Variants in SPATA16 observed in about 807,000 individuals in gnomAD.
The protein encoded by SPATA16 is spermatogenesis-associated protein 16.
Under a neutral mutation model 63.3 loss-of-function variants are expected in SPATA16, and 36 were observed. That is an observed-to-expected ratio of 0.57 (90% CI 0.44 to 0.75). The LOEUF (loss-of-function observed/expected upper bound fraction) is 0.75. Among genes scored for constraint, SPATA16 ranks in the 30% least tolerant of loss-of-function variants. The pLI is 0.00. For missense variants in SPATA16, 646 were observed against 679.3 expected (o/e 0.95, Z 0.54); for synonymous variants, 203 against 216.7 (o/e 0.94, Z 0.56).
chr3:173,090,716 T>G (rs1335986741), intron 2 of SPATA16, among the ~76,000 whole-genome samples: 3 of 152,214 alleles, frequency 2.0e-5, no homozygotes, highest in African/African-American at 7.2e-5. Flanking sequence ...GTCATGCTCC[T>G]TGGCAACTCC....
intron 2 of SPATA16, among the ~76,000 whole-genome samples, chr3:173,049,849 G>A (rs1425717376): frequency 6.6e-6 from 1 of 152,040 alleles, no homozygotes; most frequent in African/African-American, 2.4e-5. Flanking sequence ...TATGACAAGG[G>A]AAGATCGGCA....
At chr3:173,098,944 A>G (rs1335370588) in intron 2 of SPATA16, among the ~76,000 whole-genome samples, 1 of 152,116 alleles carries the variant, frequency 6.6e-6, no homozygotes. Flanking sequence ...TTTGGCAAAA[A>G]TCAACCAACC....
intron 6 of SPATA16, among the ~76,000 whole-genome samples, chr3:172,935,178 T>C (rs1426422672): frequency 6.6e-6 from 1 of 152,174 alleles, no homozygotes; most frequent in East Asian, 1.9e-4. Context: ...ACGTGTAAGA[T>C]TTAAAGCTTG....
intron 6 of SPATA16, among the ~76,000 whole-genome samples, chr3:172,930,713 C>T (rs915730807): frequency 2.0e-5 from 3 of 152,060 alleles, no homozygotes; most frequent in Non-Finnish European, 4.4e-5. Context: ...TGCCTGCCAC[C>T]ATACCTGGCT....
intron 10 of SPATA16, among the ~76,000 whole-genome samples, chr3:172,907,113 G>T (rs1008100697): frequency 1.3e-5 from 2 of 152,166 alleles, no homozygotes; most frequent in Non-Finnish European, 2.9e-5. Context: ...AATCACAGCT[G>T]CAAGGGGACT....
At chr3:173,076,583 TA>T (rs987484595) in intron 2 of SPATA16, among the ~76,000 whole-genome samples, 14 of 151,932 alleles carry the variant, frequency 9.2e-5, no homozygotes, top group Non-Finnish European at 1.6e-4. Context: ...GCTATAAGTC[TA>T]AAAAAATTAT....
chr3:172,928,013 A>G (rs1307640124), intron 6 of SPATA16, among the ~76,000 whole-genome samples: 1 of 151,814 alleles, frequency 6.6e-6, no homozygotes, highest in African/African-American at 2.4e-5. Context: ...GGGTTCAAGC[A>G]ATTCTCCTGC....
At chr3:173,020,503 G>T (rs1458146164) in intron 3 of SPATA16, among the ~76,000 whole-genome samples, 2 of 152,132 alleles carry the variant, frequency 1.3e-5, no homozygotes, top group African/African-American at 4.8e-5. Context: ...TTGACTTGTG[G>T]ATAAGATGAA....
chr3:172,981,153 A>G (rs923057012), intron 4 of SPATA16, among the ~76,000 whole-genome samples: 3 of 151,858 alleles, frequency 2.0e-5, no homozygotes, highest in South Asian at 4.2e-4. Flanking sequence ...TTTTCCTCCT[A>G]TCTTTCTCGT....
At chr3:173,089,586 G>A (rs1737171677) in intron 2 of SPATA16, among the ~76,000 whole-genome samples, 1 of 152,204 alleles carries the variant, frequency 6.6e-6, no homozygotes. Flanking sequence ...CTGAAAAGGG[G>A]AGCCTGTGAC....
intron 6 of SPATA16, among the ~76,000 whole-genome samples, chr3:172,927,544 T>G (rs1487853600): frequency 6.6e-6 from 1 of 152,112 alleles, no homozygotes; most frequent in Non-Finnish European, 1.5e-5. Flanking sequence ...GCCACACACA[T>G]TATCAGGGTT....
intron 6 of SPATA16, among the ~76,000 whole-genome samples, chr3:172,926,243 C>T (rs1732731015): frequency 6.6e-6 from 1 of 151,914 alleles, no homozygotes; most frequent in Non-Finnish European, 1.5e-5. Context: ...ATTTAGTTAC[C>T]ATCCTTCATC....
At chr3:172,997,417 G>C (rs1734717956) in intron 4 of SPATA16, among the ~76,000 whole-genome samples, 1 of 151,880 alleles carries the variant, frequency 6.6e-6, no homozygotes. Context: ...TATCTTCTTT[G>C]GTGAAGTGTC....
chr3:173,031,918 G>A (rs1412129662), intron 3 of SPATA16, among the ~76,000 whole-genome samples: 1 of 152,014 alleles, frequency 6.6e-6, no homozygotes, highest in Non-Finnish European at 1.5e-5. Context: ...CAAAGTATTA[G>A]ACCATAAAAT....
intron 1 of SPATA16, among the ~76,000 whole-genome samples, chr3:173,140,343 A>T: frequency 6.6e-6 from 1 of 151,840 alleles, no homozygotes; most frequent in East Asian, 1.9e-4. Context: ...ATATCTATTA[A>T]TATTTTATGG....
intron 10 of SPATA16, among the ~76,000 whole-genome samples, chr3:172,909,624 G>C (rs1217697254): frequency 6.6e-6 from 1 of 152,174 alleles, no homozygotes; most frequent in African/African-American, 2.4e-5. Context: ...TTGGATTTCA[G>C]TCCATTTTAG....
intron 3 of SPATA16, among the ~76,000 whole-genome samples, chr3:173,026,870 G>T (rs1241300284): frequency 3.3e-5 from 5 of 151,710 alleles, no homozygotes; most frequent in Non-Finnish European, 5.9e-5. Context: ...TCCCAACTTT[G>T]TTCTTTTTTT....
chr3:173,001,155 A>G (rs1175273684), intron 4 of SPATA16, among the ~76,000 whole-genome samples: 2 of 152,122 alleles, frequency 1.3e-5, no homozygotes. Flanking sequence ...AAAGACTACG[A>G]CGAGTAATGT....
chr3:173,051,235 C>T (rs1464435949), intron 2 of SPATA16, among the ~76,000 whole-genome samples: 2 of 152,166 alleles, frequency 1.3e-5, no homozygotes, highest in African/African-American at 4.8e-5. Context: ...CAGAGTCTGG[C>T]TGTGTCTCCC....
Sources: gnomAD v4.1 joint callset for allele counts (sites outside exome capture counted in the v4.1 genomes callset) on GRCh38, gnomAD v4.1.1 for gene constraint, MANE v1.5 for transcripts, NCBI Gene and HGNC (gene_info 2026-07-23, HGNC 2026-07-21) for gene names.